Variants in FAM120C observed in about 807,000 individuals in gnomAD.
The protein encoded by FAM120C is constitutive coactivator of PPAR-gamma-like protein 2.
FAM120C carries 14 observed loss-of-function variants against 71.2 expected under a neutral mutation model. The observed-to-expected ratio is 0.20, with a 90% CI of 0.13 to 0.31. FAM120C has a LOEUF of 0.31. Ranked by LOEUF, FAM120C falls within the 10% of genes least tolerant of loss-of-function variation. The pLI, the probability that FAM120C is intolerant of heterozygous loss-of-function variation, is 1.00. For missense variants in FAM120C, 500 were observed against 879.0 expected, an observed-to-expected ratio of 0.57 and a Z score of 5.45; for synonymous variants, 354 against 353.2, an observed-to-expected ratio of 1.00 and a Z score of -0.03.
chrX:54,129,670 G>A (rs1465597611), intron 9 of FAM120C, among the ~76,000 whole-genome samples: 3 of 112,229 alleles, frequency 2.7e-5, no homozygotes, highest in Non-Finnish European at 5.6e-5. Context: ...AAGGCAGGCG[G>A]CTGGGAGGTG....
intron 10 of FAM120C, among the ~76,000 whole-genome samples, chrX:54,114,039 TACACACACAC>T (rs201960191): frequency 2.0e-4 from 20 of 98,784 alleles, no homozygotes; most frequent in Non-Finnish European, 3.1e-4. Context: ...GAAAGTGTGA[TACACACACAC>T]ACACACACAC....
intron 9 of FAM120C, among the ~76,000 whole-genome samples, chrX:54,122,241 G>C (rs2067002390): frequency 5.8e-5 from 1 of 17,307 alleles, no homozygotes; most frequent in Non-Finnish European, 9.4e-5. Flanking sequence ...GGTCTGCTTG[G>C]TACAGAGCTG....
chrX:54,146,889 T>C (rs1165560409), intron 4 of FAM120C, among the ~76,000 whole-genome samples: 2 of 109,820 alleles, frequency 1.8e-5, no homozygotes, highest in Non-Finnish European at 3.9e-5. Flanking sequence ...GGGGAAAAGA[T>C]AGTCTTTTCA....
intron 4 of FAM120C, among the ~76,000 whole-genome samples, chrX:54,145,348 G>A (rs1316227785): frequency 9.0e-6 from 1 of 111,452 alleles, no homozygotes; most frequent in Non-Finnish European, 1.9e-5. Flanking sequence ...CTTCTGCACA[G>A]CAAAAGAAAC....
chrX:54,105,914 C>T (rs1557124786), intron 10 of FAM120C, among the ~76,000 whole-genome samples: 1 of 111,430 alleles, frequency 9.0e-6, no homozygotes, highest in East Asian at 2.8e-4. Context: ...AGAGAGGGCA[C>T]AAACAAATGA....
At chrX:54,173,510 A>C (rs1569533918) in intron 1 of FAM120C, among the ~76,000 whole-genome samples, 2 of 111,967 alleles carry the variant, frequency 1.8e-5, no homozygotes, top group East Asian at 5.6e-4. Flanking sequence ...GGCCTCCCAA[A>C]GTGCTGGGAT....
chrX:54,085,221 C>T (rs1172204862), intron 13 of FAM120C, among the ~76,000 whole-genome samples: 3 of 112,120 alleles, frequency 2.7e-5, no homozygotes, highest in African/African-American at 9.7e-5. Flanking sequence ...TGGGGACCAA[C>T]GACCTCTATG....
chrX:54,147,951 C>T (rs1322286979), intron 4 of FAM120C, among the ~76,000 whole-genome samples: 2 of 111,427 alleles, frequency 1.8e-5, no homozygotes, highest in African/African-American at 6.5e-5. Context: ...CCCACCTCAG[C>T]CTCCCAAAGT....
intron 10 of FAM120C, among the ~76,000 whole-genome samples, chrX:54,114,834 G>C (rs1603355456): frequency 9.0e-6 from 1 of 111,628 alleles, no homozygotes; most frequent in Non-Finnish European, 1.9e-5. Context: ...TGCAACCTCT[G>C]CCTGCTGGGT....
intron 1 of FAM120C, among the ~76,000 whole-genome samples, chrX:54,168,037 T>C (rs2516034): frequency 0.028 from 3,079 of 109,880 alleles, 112 homozygotes; most frequent in African/African-American, 0.098. Context: ...TTTCCAACCA[T>C]AGGTAGTCTA....
chrX:54,182,991 C>T lies in FAM120C; in HGVS notation c.208G>A (p.Ala70Thr). The T allele has an allele frequency of 2.6e-6, 3 of 1,159,441 alleles. No homozygotes were observed. The highest frequency in any genetic ancestry group is 1.8e-5 in the African/African-American group (1 of 55,925). Residue 70 changes from alanine (A) to threonine (T), a missense_variant, in exon 1 of 16, where the codon GCT (alanine) becomes ACT (threonine). Ala to Thr is a moderately conservative substitution (Grantham distance 58, BLOSUM62 0). Transcript: ENST00000375180. ...SVPLQPPLPP[A>T]ALGAYSGGAG... Reference sequence around the variant, plus strand: ...CCCCCGGAGTAGGCACCCAAGGCAGCGGGCGGAAGCGGCGGTTGCAGAGGC... The same window carrying T: ...CCCCCGGAGTAGGCACCCAAGGCAGTGGGCGGAAGCGGCGGTTGCAGAGGC...
In FAM120C at chrX:54,183,019, G is replaced by A. The variant is rs782057347; in HGVS notation, c.180C>T (p.Ser60=). The part of the protein sequence containing the change: ...APGAPRAARG[S]VPLQPPLPPA... ...GCGGAAGCGGCGGTTGCAGAGGCAC[G>A]GAGCCCCTGGCGGCGCGTGGAGCCC... Residue 60 remains serine, a synonymous_variant, in exon 1 of 16, where the codon TCC becomes TCT. Transcript: ENST00000375180. The A allele has an allele frequency of 2.0e-4, 231 of 1,157,070 alleles. No individual in the cohort carries two copies. The highest frequency in any genetic ancestry group is 2.3e-4 in the Non-Finnish European group (203 of 871,086).
chrX:54,160,238 C>T (rs1164923915), intron 1 of FAM120C, among the ~76,000 whole-genome samples: 1 of 111,316 alleles, frequency 9.0e-6, no homozygotes, highest in East Asian at 2.8e-4. Flanking sequence ...TAGAAATAGA[C>T]ACAGAAATCT....
chrX:54,140,939 CAAAAA>C (rs781968438), intron 4 of FAM120C, among the ~76,000 whole-genome samples: 1 of 39,184 alleles, frequency 2.6e-5, no homozygotes, highest in Non-Finnish European at 4.8e-5. Flanking sequence ...GACTCCGTCT[CAAAAA>C]AAAAAAAAAA....
intron 11 of FAM120C, among the ~76,000 whole-genome samples, chrX:54,091,078 A>G (rs1481624501): frequency 3.6e-5 from 4 of 112,297 alleles, no homozygotes; most frequent in African/African-American, 9.7e-5. Context: ...ATGGGCCAAT[A>G]TTTATTTTCC....
intron 10 of FAM120C, among the ~76,000 whole-genome samples, chrX:54,093,576 C>T (rs1557122880): frequency 9.0e-6 from 1 of 111,726 alleles, no homozygotes; most frequent in South Asian, 3.7e-4. Flanking sequence ...GTTTGCTGAA[C>T]AAATAAGTCA....
chrX:54,114,039 TACACACACACACACAC>T (rs201960191), intron 10 of FAM120C, among the ~76,000 whole-genome samples: 9 of 98,788 alleles, frequency 9.1e-5, no homozygotes, highest in Middle Eastern at 5.1e-3. Flanking sequence ...GAAAGTGTGA[TACACACACACACACAC>T]ACACACACAC....
At position 54,087,105 on chromosome X, in the gene FAM120C, T is replaced by C. The variant is rs1423026577; in HGVS notation, c.2637+650A>G. On this transcript the variant is annotated intron_variant, in intron 12 of 15. Transcript: ENST00000375180. The stretch of plus-strand genomic sequence containing the variant: ...CAAGGCAGGTGGATCACAAGGTCAA[T>C]AGATCGAGACCATCCTGGCCAACAT... Among the ~76,000 whole-genome samples, 21 of 110,082 alleles carry C rather than the reference T, an allele frequency of 1.9e-4. No homozygotes were observed. The East Asian group carries it at 5.4e-3, about 29-fold the overall frequency.
chrX:54,083,433 C>CCGCA (rs1557121562), intron 13 of FAM120C, among the ~76,000 whole-genome samples: 1 of 78,930 alleles, frequency 1.3e-5, no homozygotes, highest in Non-Finnish European at 2.4e-5. Flanking sequence ...GACCCCATCT[C>CCGCA]CACACACACA....
Sources: allele counts gnomAD v4.1 joint callset (sites outside exome capture counted in the v4.1 genomes callset), GRCh38; gene constraint gnomAD v4.1.1; transcripts MANE v1.5; gene names NCBI Gene and HGNC (gene_info 2026-07-23, HGNC 2026-07-21).